IL1RAPL2: variants seen among roughly 807,000 people sequenced by gnomAD.
IL1RAPL2 encodes the protein interleukin 1 receptor accessory protein like 2, also known as X-linked interleukin-1 receptor accessory protein-like 2.
Under a neutral mutation model 44.1 loss-of-function variants are expected in IL1RAPL2, and 3 were observed. The ratio of observed to expected loss-of-function variants is 0.07; its 90% CI spans 0.03 to 0.18. The LOEUF is 0.18. Ranked by LOEUF, IL1RAPL2 falls within the 10% of genes least tolerant of loss-of-function variation. IL1RAPL2 has a pLI of 1.00. For synonymous variants in IL1RAPL2, 181 were observed against 178.8 expected, an observed-to-expected ratio of 1.01 and a Z score of -0.10; for missense variants, 391 against 496.4, an observed-to-expected ratio of 0.79 and a Z score of 2.02.
chrX:105,052,316 G>A (rs2031938391), intron 2 of IL1RAPL2, among the ~76,000 whole-genome samples: 1 of 112,040 alleles, frequency 8.9e-6, no homozygotes. Flanking sequence ...CTTCCACTTA[G>A]AGCCCATTGT....
chrX:105,269,870 A>C (rs887062596), intron 5 of IL1RAPL2, among the ~76,000 whole-genome samples: 4 of 111,954 alleles, frequency 3.6e-5, no homozygotes, highest in African/African-American at 1.3e-4. Context: ...CCTCCTTTTC[A>C]CTCACATCAA....
chrX:104,855,681 G>GTTT (rs1556002120), intron 2 of IL1RAPL2, among the ~76,000 whole-genome samples: 2 of 53,872 alleles, frequency 3.7e-5, no homozygotes, highest in Admixed American at 1.9e-4. Context: ...ATCTGGATCC[G>GTTT]TTTTTTTTTT....
intron 2 of IL1RAPL2, among the ~76,000 whole-genome samples, chrX:105,128,760 C>A (rs2032999678): frequency 1.8e-5 from 2 of 111,092 alleles, no homozygotes; most frequent in African/African-American, 6.5e-5. Context: ...CTAGTGATTT[C>A]TTATATTTAG....
At chrX:104,915,643 C>A (rs1008446737) in intron 2 of IL1RAPL2, among the ~76,000 whole-genome samples, 2 of 110,866 alleles carry the variant, frequency 1.8e-5, no homozygotes, top group East Asian at 2.8e-4. Flanking sequence ...AGTCCTTGCC[C>A]ATGCCTATGT....
In IL1RAPL2 at chrX:104,566,775, C is replaced by T. The variant is rs1436627267; in HGVS notation, c.-296C>T. ...CTCCCTTTCCAGCTCTCCCCAAAGT[C>T]CACAGAAGCTCTGCTGAACTCTAGA... On this transcript the variant is annotated 5_prime_UTR_variant, in exon 1 of 11. Transcript: ENST00000372582. 8.8e-6 allele frequency: 1 copy of T among 113,191 alleles called. No individual in the cohort carries two copies. The highest frequency in any genetic ancestry group is 1.9e-5 in the Non-Finnish European group (1 of 53,444). The allele number at this position is 113,191 out of a possible 1,213,427, so 9.3% of individuals were successfully genotyped here.
At chrX:105,112,316 G>A (rs1244737518) in intron 2 of IL1RAPL2, among the ~76,000 whole-genome samples, 1 of 112,140 alleles carries the variant, frequency 8.9e-6, no homozygotes, top group Non-Finnish European at 1.9e-5. Context: ...CTTGCTTAAA[G>A]AGAAGAATGT....
chrX:105,656,713 G>A (rs780221172), intron 6 of IL1RAPL2, among the ~76,000 whole-genome samples: 13 of 111,607 alleles, frequency 1.2e-4, no homozygotes, highest in Admixed American at 4.7e-4. Context: ...TCTTTTGCTC[G>A]AGAGGTCTTT....
chrX:105,133,558 C>T (rs995908006), intron 2 of IL1RAPL2, among the ~76,000 whole-genome samples: 4 of 111,845 alleles, frequency 3.6e-5, no homozygotes, highest in African/African-American at 1.3e-4. Flanking sequence ...CCAACAATAA[C>T]AATAATTACA....
intron 5 of IL1RAPL2, among the ~76,000 whole-genome samples, chrX:105,347,948 T>G (rs1480761047): frequency 8.9e-6 from 1 of 111,779 alleles, no homozygotes; most frequent in East Asian, 2.8e-4. Flanking sequence ...TTCTTTGGCT[T>G]AAAAATATCC....
chrX:105,656,367 T>C (rs1346146108), intron 6 of IL1RAPL2, among the ~76,000 whole-genome samples: 1 of 112,184 alleles, frequency 8.9e-6, no homozygotes, highest in Non-Finnish European at 1.9e-5. Flanking sequence ...AGTAGATACA[T>C]GAAAGGAAAA....
At chrX:105,715,173 G>C (rs1943016447) in intron 6 of IL1RAPL2, among the ~76,000 whole-genome samples, 1 of 111,786 alleles carries the variant, frequency 8.9e-6, no homozygotes. Flanking sequence ...AAGCTACAAA[G>C]TTAAATACAT....
chrX:104,635,881 G>C (rs1363053937), intron 1 of IL1RAPL2, among the ~76,000 whole-genome samples: 2 of 112,120 alleles, frequency 1.8e-5, no homozygotes, highest in Admixed American at 1.9e-4. Context: ...TTCCATTGCT[G>C]GTGAGGAGCT....
At chrX:104,983,778 TAGTG>T (rs1267142858) in intron 2 of IL1RAPL2, among the ~76,000 whole-genome samples, 1 of 106,522 alleles carries the variant, frequency 9.4e-6, no homozygotes, top group African/African-American at 3.4e-5. Flanking sequence ...TTTCCCCAGT[TAGTG>T]AGGTTACTTT....
At chrX:105,469,376 A>G (rs2036151298) in intron 5 of IL1RAPL2, among the ~76,000 whole-genome samples, 1 of 111,063 alleles carries the variant, frequency 9.0e-6, no homozygotes, top group Non-Finnish European at 1.9e-5. Context: ...ATTGGTATAT[A>G]GAAGGTGTAT....
intron 4 of IL1RAPL2, among the ~76,000 whole-genome samples, chrX:105,252,689 T>G (rs1469807532): frequency 8.9e-6 from 1 of 111,792 alleles, no homozygotes; most frequent in Non-Finnish European, 1.9e-5. Context: ...TGCTACTTCT[T>G]AGTGAACTCT....
intron 5 of IL1RAPL2, among the ~76,000 whole-genome samples, chrX:105,478,662 A>G (rs1387445651): frequency 8.9e-6 from 1 of 111,773 alleles, no homozygotes; most frequent in Non-Finnish European, 1.9e-5. Context: ...CTTTTCTGTT[A>G]TTAAACCTAG....
At chrX:105,472,058 T>G (rs1737989950) in intron 5 of IL1RAPL2, among the ~76,000 whole-genome samples, 1 of 105,470 alleles carries the variant, frequency 9.5e-6, no homozygotes, top group African/African-American at 3.5e-5. Context: ...GTTGGGGAAG[T>G]GAGGGGTGGG....
chrX:104,945,846 C>A (rs1382601271), intron 2 of IL1RAPL2, among the ~76,000 whole-genome samples: 1 of 110,881 alleles, frequency 9.0e-6, no homozygotes, highest in Non-Finnish European at 1.9e-5. Flanking sequence ...TTAATGTGCT[C>A]CAAACTATAT....
chrX:105,263,194 T>C (rs1357694716), intron 4 of IL1RAPL2, among the ~76,000 whole-genome samples: 1 of 110,707 alleles, frequency 9.0e-6, no homozygotes, highest in Non-Finnish European at 1.9e-5. Context: ...CCCCTAAAGA[T>C]TTTTAAGCAG....
Sources: gnomAD v4.1 joint callset for allele counts (sites outside exome capture counted in the v4.1 genomes callset) on GRCh38, gnomAD v4.1.1 for gene constraint, MANE v1.5 for transcripts, NCBI Gene and HGNC (gene_info 2026-07-23, HGNC 2026-07-21) for gene names.